Variants in CDH18 observed in about 807,000 individuals in gnomAD.
CDH18 encodes the protein cadherin-18.
CDH18 carries 31 observed loss-of-function variants against 67.9 expected under a neutral mutation model. The ratio of observed to expected loss-of-function variants is 0.46; its 90% CI spans 0.34 to 0.62. The LOEUF (loss-of-function observed/expected upper bound fraction) is 0.62, where lower values mean the gene tolerates loss of function less well. Among genes scored for constraint, CDH18 ranks in the 20% least tolerant of loss-of-function variants. The pLI is 0.01. For synonymous variants in CDH18, 362 were observed against 347.2 expected, an observed-to-expected ratio of 1.04 and a Z score of -0.48; for missense variants, 890 against 975.5, an observed-to-expected ratio of 0.91 and a Z score of 1.17.
intron 3 of CDH18, among the ~76,000 whole-genome samples, chr5:19,795,910 A>G (rs767834093): frequency 2.3e-4 from 35 of 152,146 alleles, no homozygotes; most frequent in Non-Finnish European, 4.4e-5. Flanking sequence ...AAAATAACTA[A>G]GTAGAATTAT....
Position 20,549,554 on chromosome 5 carries a change from G to C in CDH18, c.-580+25908C>G, listed in dbSNP as rs182802404. Among the ~76,000 whole-genome samples the C allele has an allele frequency of 2.6e-5, 4 of 152,250 alleles. No individual in the cohort carries two copies. The East Asian group carries it at 5.8e-4, about 22-fold the overall frequency. Reference sequence around the variant, plus strand: ...AGAGAATATTATATTTAAAATTAAGGAGTTTGGATGTTATCTTGAGCCCAT... The same window carrying C: ...AGAGAATATTATATTTAAAATTAAGCAGTTTGGATGTTATCTTGAGCCCAT... On this transcript the variant is annotated intron_variant, in intron 1 of 14. Transcript: ENST00000507958.
chr5:20,404,461 G>C (rs1423472067), intron 1 of CDH18, among the ~76,000 whole-genome samples: 1 of 151,960 alleles, frequency 6.6e-6, no homozygotes, highest in Non-Finnish European at 1.5e-5. Context: ...CCTTTCACTT[G>C]AACACTTAGA....
chr5:19,961,686 A>T lies in CDH18; in HGVS notation c.-257+19374T>A, dbSNP rs192756483. On this transcript the variant is annotated intron_variant, in intron 2 of 12. Coordinates refer to ENST00000382275, the MANE Select transcript of CDH18 (RefSeq NM_004934.5). ...GAAATTTATAGTGATTACATTACTC[A>T]TGATTACATTATTTTGTCTGTTGCC... Among the ~76,000 whole-genome samples, 8 of 152,200 alleles carry T rather than the reference A, an allele frequency of 5.3e-5. No individual in the cohort carries two copies. The East Asian group carries it at 1.4e-3, about 26-fold the overall frequency.
intron 2 of CDH18, among the ~76,000 whole-genome samples, chr5:20,229,212 G>A (rs2126491519): frequency 6.6e-6 from 1 of 152,080 alleles, no homozygotes; most frequent in Non-Finnish European, 1.5e-5. Flanking sequence ...TAAAAGCCCA[G>A]AATTTAGAGT....
At chr5:20,485,744 C>T (rs1581090782) in intron 1 of CDH18, among the ~76,000 whole-genome samples, 1 of 152,026 alleles carries the variant, frequency 6.6e-6, no homozygotes, top group East Asian at 1.9e-4. Context: ...CATCTTTATG[C>T]TTTCAGCGAG....
At chr5:20,319,553 A>G (rs1323312888) in intron 1 of CDH18, among the ~76,000 whole-genome samples, 1 of 152,160 alleles carries the variant, frequency 6.6e-6, no homozygotes, top group Non-Finnish European at 1.5e-5. Context: ...CAAAGTTAAC[A>G]CATTATTTGT....
chr5:19,706,557 G>A (rs1477919721), intron 5 of CDH18, among the ~76,000 whole-genome samples: 1 of 152,146 alleles, frequency 6.6e-6, no homozygotes, highest in East Asian at 1.9e-4. Flanking sequence ...ACTAGCTTAT[G>A]TACATGTATG....
chr5:19,770,031 T>C (rs1581264277), intron 3 of CDH18, among the ~76,000 whole-genome samples: 2 of 152,150 alleles, frequency 1.3e-5, no homozygotes. Flanking sequence ...GGGTTGCCAC[T>C]TCACAGTCAT....
chr5:20,190,633 T>A (rs1738462797), intron 2 of CDH18, among the ~76,000 whole-genome samples: 1 of 151,962 alleles, frequency 6.6e-6, no homozygotes, highest in South Asian at 2.1e-4. Context: ...AACTGGAGGT[T>A]TCCCAAAGCT....
intron 2 of CDH18, among the ~76,000 whole-genome samples, chr5:20,093,353 ATTC>A (rs1745609248): frequency 1.6e-5 from 1 of 63,964 alleles, no homozygotes; most frequent in South Asian, 6.9e-4. Context: ...CTCCTCCTGT[ATTC>A]TTTTTTTTTT....
chr5:19,588,693 G>T (rs1744617156), intron 7 of CDH18, among the ~76,000 whole-genome samples: 1 of 151,930 alleles, frequency 6.6e-6, no homozygotes, highest in Non-Finnish European at 1.5e-5. Flanking sequence ...GCTCATAAAG[G>T]GATGAAGAAA....
intron 1 of CDH18, among the ~76,000 whole-genome samples, chr5:20,491,366 A>G (rs1237567724): frequency 6.6e-6 from 1 of 152,178 alleles, no homozygotes. Context: ...GTAAAACAGG[A>G]AATTTTTAAA....
intron 2 of CDH18, among the ~76,000 whole-genome samples, chr5:20,216,018 A>AT (rs1345281503): frequency 2.0e-5 from 3 of 151,990 alleles, no homozygotes; most frequent in African/African-American, 7.2e-5. Flanking sequence ...AAAGATAACT[A>AT]ATGGGTAATA....
At chr5:20,105,702 C>T (rs1262924419) in intron 2 of CDH18, among the ~76,000 whole-genome samples, 2 of 152,154 alleles carry the variant, frequency 1.3e-5, no homozygotes, top group Non-Finnish European at 2.9e-5. Context: ...TTTCACTTAG[C>T]ATAACATTTC....
intron 2 of CDH18, among the ~76,000 whole-genome samples, chr5:20,113,286 A>G (rs531781536): frequency 6.6e-6 from 1 of 152,358 alleles, no homozygotes; most frequent in African/African-American, 2.4e-5. Context: ...AATTATATGC[A>G]TCTTCCCCAG....
chr5:19,976,386 C>G (rs769409747), intron 2 of CDH18, among the ~76,000 whole-genome samples: 2 of 152,018 alleles, frequency 1.3e-5, no homozygotes, highest in Admixed American at 1.3e-4. Flanking sequence ...CACACAAACA[C>G]GCACATACAC....
intron 2 of CDH18, among the ~76,000 whole-genome samples, chr5:19,999,124 TTAGA>T (rs1372340808): frequency 6.6e-6 from 1 of 151,998 alleles, no homozygotes; most frequent in Non-Finnish European, 1.5e-5. Context: ...AAGTAAAATA[TTAGA>T]TAAAGTCCCT....
At position 19,867,045 on chromosome 5, in the gene CDH18, C is replaced by T. The variant is rs948190159; in HGVS notation, c.-256-27803G>A. 1.7e-4 allele frequency among the ~76,000 whole-genome samples: 26 copies of T among 152,114 alleles called. No individual in the cohort carries two copies. The East Asian group carries it at 4.3e-3, about 25-fold the overall frequency. On this transcript the variant is annotated intron_variant, in intron 2 of 12. Transcript: ENST00000382275. ...TGGAGGTTGCAGTGAGCTGAGATTG[C>T]GCCACTGCACTCCAGCCTGGGCAAC...
At chr5:19,911,055 A>G (rs755531353) in intron 2 of CDH18, among the ~76,000 whole-genome samples, 1 of 152,072 alleles carries the variant, frequency 6.6e-6, no homozygotes, top group Non-Finnish European at 1.5e-5. Flanking sequence ...AATGCCTGTA[A>G]GCAATAGGAA....
Sources: allele counts gnomAD v4.1 joint callset (sites outside exome capture counted in the v4.1 genomes callset), GRCh38; gene constraint gnomAD v4.1.1; transcripts MANE v1.5; gene names NCBI Gene and HGNC (gene_info 2026-07-23, HGNC 2026-07-21).